The following PCNT variants were observed in gnomAD, a reference collection of about 807,000 sequenced individuals.
PCNT encodes the protein kendrin.
Under a neutral mutation model 380.4 loss-of-function variants are expected in PCNT, and 319 were observed. That is an observed-to-expected ratio of 0.84 (90% confidence interval 0.77 to 0.92). The LOEUF (loss-of-function observed/expected upper bound fraction) is 0.92. Among genes scored for constraint, PCNT ranks in the 40% least tolerant of loss-of-function variants. The pLI is 0.00. For missense variants in PCNT, 4,400 were observed against 4,255.3 expected, an observed-to-expected ratio of 1.03 and a Z score of -0.95; for synonymous variants, 1,845 against 1,735.2, an observed-to-expected ratio of 1.06 and a Z score of -1.57.
rs941458764 is a variant in PCNT, at chr21:46,442,626, CTTGT to C, written c.9700+56_9700+59del. 1.8e-5 allele frequency: 20 copies of C among 1,125,642 alleles called. No individual in the cohort carries two copies. The African/African-American group carries it at 2.9e-4, about 16-fold the overall frequency. The allele number at this position is 1,125,642 out of a possible 1,614,324, so 69.7% of individuals were successfully genotyped here. A position where few individuals can be genotyped will look rare whatever the true frequency, so the allele number is the denominator to read the frequency against. ...GGACTCACAAACCTTTCTTTCTACTCTTGTTTTTCATTCACTTTGGGTCATTTTT... is the reference window on the plus strand; with the variant it reads ...GGACTCACAAACCTTTCTTTCTACTCTTTTCATTCACTTTGGGTCATTTTT... On this transcript the variant is annotated intron_variant, in intron 44 of 46. Coordinates refer to ENST00000359568, the MANE Select transcript of PCNT (RefSeq NM_006031.6).
intron 2 of PCNT, among the ~76,000 whole-genome samples, chr21:46,327,360 A>G (rs757846544): frequency 1.3e-5 from 2 of 151,250 alleles, no homozygotes; most frequent in African/African-American, 2.4e-5. Flanking sequence ...TGCCCGGCCT[A>G]TGGTTTTATT....
At chr21:46,352,813 G>A (rs1009582671) in intron 9 of PCNT, among the ~76,000 whole-genome samples, 4 of 152,176 alleles carry the variant, frequency 2.6e-5, no homozygotes, top group Admixed American at 1.3e-4. Flanking sequence ...GTTTCCTGGG[G>A]CTGCAGGACC....
At chr21:46,424,145 TGTGGTCG>T (rs2087388891) in intron 32 of PCNT, among the ~76,000 whole-genome samples, 3 of 151,338 alleles carry the variant, frequency 2.0e-5, no homozygotes, top group Admixed American at 2.0e-4. Context: ...ACGCCAAGAG[TGTGGTCG>T]ACGCTCTAAT....
Position 46,425,117 on chromosome 21 carries a change from C to T in PCNT, c.7180-714C>T, listed in dbSNP as rs1014611129. 2.6e-5 allele frequency among the ~76,000 whole-genome samples: 4 copies of T among 152,160 alleles called. No homozygotes were observed. Among genetic ancestry groups the T allele is most frequent in the African/African-American group, 7.2e-5 (3 of 41,426 alleles). ...GTGTGTGCTCATGTGGTGGTGACCG[C>T]GCTGAGCCTCTGGGCTCTGGGCTCT... On this transcript the variant is annotated intron_variant, in intron 32 of 46. Transcript: ENST00000359568. The surrounding 1 kb of genome is among the most constrained non-coding windows in gnomAD (Gnocchi z 4.2).
At chr21:46,389,532 G>A (rs2085961080) in intron 19 of PCNT, 101 bp downstream of exon 19, 11 of 896,726 alleles carry the variant, frequency 1.2e-5, no homozygotes, top group Admixed American at 4.8e-5. Context: ...ACGCTCGCAC[G>A]GGTTTCTCCC....
chr21:46,346,954 C>T lies in PCNT; in HGVS notation c.932C>T (p.Ala311Val). ...CTGGAGCTCCTCAGGGAGCAGCACGCACGGGAGAAGGAGGAGGTGGTGCTC... is the reference window on the plus strand; with the variant it reads ...CTGGAGCTCCTCAGGGAGCAGCACGTACGGGAGAAGGAGGAGGTGGTGCTC... ...HELELLREQHAREKEEVVLRC... is the reference protein window; with the variant it reads ...HELELLREQHVREKEEVVLRC... Residue 311 changes from alanine (A) to valine (V), a missense_variant, in exon 5 of 47, where the codon GCA becomes GTA. By Grantham distance (64) the Ala-to-Val change is moderately conservative (BLOSUM62 0). Transcript: ENST00000359568. 1 of 1,597,154 alleles carries T rather than the reference C, an allele frequency of 6.3e-7. No homozygotes were observed. Among genetic ancestry groups the T allele is most frequent in the African/African-American group, 1.3e-5 (1 of 74,990 alleles).
chr21:46,410,360 T>C (rs1430204364), intron 27 of PCNT, among the ~76,000 whole-genome samples: 1 of 152,244 alleles, frequency 6.6e-6, no homozygotes, highest in East Asian at 1.9e-4. Context: ...CAGAGAAACC[T>C]GGAGTTGTTA....
At chr21:46,347,942 G>T (rs148832797) in intron 6 of PCNT, among the ~76,000 whole-genome samples, 1 of 152,186 alleles carries the variant, frequency 6.6e-6, no homozygotes, top group Non-Finnish European at 1.5e-5. Context: ...CCTCACTGGG[G>T]ACCACAGGTA....
intron 36 of PCNT, 65 bp from the exon 37 acceptor site, chr21:46,430,442 C>A (rs923034848): frequency 6.5e-7 from 1 of 1,533,860 alleles, no homozygotes; most frequent in Non-Finnish European, 8.8e-7. Context: ...CCTCCTGGAG[C>A]TCCCAGCCCC....
chr21:46,389,519 A>G (rs2085960200), intron 19 of PCNT, 88 bp downstream of exon 19: 1 of 1,049,858 alleles, frequency 9.5e-7, no homozygotes, highest in Non-Finnish European at 1.4e-6. Context: ...GCCGGTGCCA[A>G]CGACGCTCGC....
At chr21:46,348,940 G>A in intron 6 of PCNT, 72 bp from the exon 7 acceptor site, 3 of 1,063,182 alleles carry the variant, frequency 2.8e-6, no homozygotes, top group Non-Finnish European at 2.9e-6. Context: ...CAGAGGTTTT[G>A]ACTGTGTGAT....
At chr21:46,371,566 CAGA>C (rs1452342326) in intron 15 of PCNT, among the ~76,000 whole-genome samples, 2 of 152,204 alleles carry the variant, frequency 1.3e-5, no homozygotes, top group African/African-American at 4.8e-5. Context: ...CAAATTGTGT[CAGA>C]AGAAGCCAGA....
chr21:46,428,698 T>C (rs571380869), intron 35 of PCNT, 108 bp downstream of exon 35: 1 of 994,434 alleles, frequency 1.0e-6, no homozygotes, highest in Admixed American at 2.0e-5. Flanking sequence ...CATCATCTAG[T>C]CAAGCCCCTG....
chr21:46,383,898 G>A (rs1335243075), intron 16 of PCNT, among the ~76,000 whole-genome samples: 3 of 144,298 alleles, frequency 2.1e-5, no homozygotes, highest in Non-Finnish European at 3.0e-5. Flanking sequence ...GCATTCAGTG[G>A]CAGAAGCGCA....
intron 33 of PCNT, among the ~76,000 whole-genome samples, chr21:46,426,593 C>T (rs1385734016): frequency 6.6e-6 from 1 of 152,174 alleles, no homozygotes; most frequent in East Asian, 1.9e-4. Context: ...CCTCCTGCCA[C>T]TCGGGTGACT....
At chr21:46,444,665 C>G in intron 45 of PCNT, 29 bp from the exon 46 acceptor site, 18 of 1,093,724 alleles carry the variant, frequency 1.6e-5, no homozygotes, top group South Asian at 1.9e-5. Context: ...TTTTTTTTTT[C>G]TTCTCTTGGT....
intron 9 of PCNT, 93 bp downstream of exon 9, chr21:46,351,633 G>C (rs913105921): frequency 3.6e-6 from 3 of 828,622 alleles, no homozygotes; most frequent in African/African-American, 3.3e-5. Flanking sequence ...AACAATTCTA[G>C]CAAACACAAA....
chr21:46,382,208 C>G (rs1412406581), intron 16 of PCNT, among the ~76,000 whole-genome samples: 1 of 144,358 alleles, frequency 6.9e-6, no homozygotes, highest in Non-Finnish European at 1.5e-5. Flanking sequence ...GATTCAGTGG[C>G]GGAAGCGCAT....
chr21:46,327,170 C>T (rs2146254311), intron 2 of PCNT, among the ~76,000 whole-genome samples: 1 of 151,814 alleles, frequency 6.6e-6, no homozygotes, highest in Admixed American at 6.5e-5. Flanking sequence ...ATGCCATTCT[C>T]CTGCCTCAGC....
Sources: allele counts gnomAD v4.1 joint callset (sites outside exome capture counted in the v4.1 genomes callset), GRCh38; gene constraint gnomAD v4.1.1; non-coding constraint Gnocchi (gnomAD v3.1); transcripts MANE v1.5; gene names NCBI Gene and HGNC (gene_info 2026-07-23, HGNC 2026-07-21).